Variants in VSTM5 observed in about 807,000 individuals in gnomAD.
VSTM5 encodes the protein V-set and transmembrane domain-containing protein 5.
VSTM5 carries 21 observed loss-of-function variants against 20.3 expected under a neutral mutation model. The observed-to-expected ratio is 1.03, with a 90% CI of 0.73 to 1.49. The LOEUF is 1.49. Among genes scored for constraint, VSTM5 ranks in the 40% most tolerant of loss-of-function variants. VSTM5 has a pLI of 0.00. For synonymous variants in VSTM5, 100 were observed against 102.5 expected, an observed-to-expected ratio of 0.98 and a Z score of 0.14; for missense variants, 219 against 250.0, an observed-to-expected ratio of 0.88 and a Z score of 0.84.
chr11:93,834,726 T>C (rs1399737371), intron 1 of VSTM5, among the ~76,000 whole-genome samples: 3 of 135,556 alleles, frequency 2.2e-5, no homozygotes, highest in Non-Finnish European at 4.5e-5. Context: ...GAGGTTGCAG[T>C]GAGCTGAGAT....
In VSTM5 at chr11:93,850,548, C is replaced by T. The variant is rs976946771; in HGVS notation, c.-46G>A. Reference sequence around the variant, plus strand: ...GGGCCGGGGTGTGTGCTGGCCGCACCGCGCTGCAGCTCCTATGCAGCCTTC... The same window carrying T: ...GGGCCGGGGTGTGTGCTGGCCGCACTGCGCTGCAGCTCCTATGCAGCCTTC... On this transcript the variant is annotated 5_prime_UTR_variant, in exon 1 of 4. Coordinates refer to ENST00000409977, the MANE Select transcript of VSTM5 (RefSeq NM_001144871.2). The T allele has an allele frequency of 2.8e-6, 4 of 1,432,014 alleles. No individual in the cohort carries two copies. Among genetic ancestry groups the T allele is most frequent in the African/African-American group, 2.9e-5 (2 of 70,046 alleles). The allele number at this position is 1,432,014 out of a possible 1,614,324, so 88.7% of individuals were successfully genotyped here. A position where few individuals can be genotyped will look rare whatever the true frequency, so the allele number is the denominator to read the frequency against.
intron 1 of VSTM5, among the ~76,000 whole-genome samples, chr11:93,844,848 C>T (rs1245346686): frequency 1.5e-5 from 1 of 66,676 alleles, no homozygotes; most frequent in African/African-American, 5.2e-5. Flanking sequence ...GCTGCTACCC[C>T]AGCTCTTGGC....
intron 1 of VSTM5, among the ~76,000 whole-genome samples, chr11:93,839,828 T>C (rs1418003760): frequency 6.6e-6 from 1 of 152,182 alleles, no homozygotes; most frequent in Non-Finnish European, 1.5e-5. Flanking sequence ...CGTGACCTTA[T>C]TTGGAGATAG....
intron 1 of VSTM5, among the ~76,000 whole-genome samples, chr11:93,823,385 A>G (rs1012271242): frequency 6.6e-6 from 1 of 152,166 alleles, no homozygotes; most frequent in African/African-American, 2.4e-5. Context: ...CATTCAAGGT[A>G]TACAGCCTGA....
chr11:93,821,180 C>G lies in VSTM5; in HGVS notation c.235G>C (p.Val79Leu). The change falls in exon 2 of 4, where the codon GTG becomes CTG. Residue 79 changes from valine to leucine, a missense_variant. Val to Leu is a conservative substitution (Grantham distance 32). Coordinates refer to ENST00000409977, the MANE Select transcript of VSTM5 (RefSeq NM_001144871.2). Reference protein sequence around the residue: ...YSSNWGTQKIVEWKPGTQANI... With the variant: ...YSSNWGTQKILEWKPGTQANI... ...GCCTGAGTCCCTGGTTTCCACTCCACGATCTTCTGCGTTCCCCAATTGGAT... is the reference window on the plus strand; with the variant it reads ...GCCTGAGTCCCTGGTTTCCACTCCAGGATCTTCTGCGTTCCCCAATTGGAT... 1 of 1,552,170 alleles carries G rather than the reference C, an allele frequency of 6.4e-7. No homozygotes were observed. The highest frequency in any genetic ancestry group is 1.4e-5 in the African/African-American group (1 of 73,158).
At chr11:93,839,554 G>C (rs974564645) in intron 1 of VSTM5, among the ~76,000 whole-genome samples, 1 of 152,176 alleles carries the variant, frequency 6.6e-6, no homozygotes, top group Admixed American at 6.5e-5. Flanking sequence ...AGTATGACAC[G>C]CAGTAAGCAC....
intron 1 of VSTM5, among the ~76,000 whole-genome samples, chr11:93,838,979 C>T (rs1944346983): frequency 6.6e-6 from 1 of 152,180 alleles, no homozygotes; most frequent in South Asian, 2.1e-4. Context: ...TGCTCTTGGG[C>T]CCATGCTCCA....
chr11:93,824,644 CT>C (rs2031869124), intron 1 of VSTM5, among the ~76,000 whole-genome samples: 1 of 152,052 alleles, frequency 6.6e-6, no homozygotes, highest in South Asian at 2.1e-4. Context: ...TGATTGTTTC[CT>C]TTGCTGTACA....
chr11:93,832,839 A>T (rs1360010118), intron 1 of VSTM5, among the ~76,000 whole-genome samples: 1 of 152,214 alleles, frequency 6.6e-6, no homozygotes, highest in Non-Finnish European at 1.5e-5. Flanking sequence ...CTGGAACCCA[A>T]GTCTCTTTTC....
At chr11:93,848,052 C>T (rs1944428232) in intron 1 of VSTM5, among the ~76,000 whole-genome samples, 1 of 152,214 alleles carries the variant, frequency 6.6e-6, no homozygotes, top group Non-Finnish European at 1.5e-5. Context: ...AAATCCCCTC[C>T]TCCAAATACC....
At chr11:93,829,403 C>A (rs1944263927) in intron 1 of VSTM5, among the ~76,000 whole-genome samples, 1 of 152,174 alleles carries the variant, frequency 6.6e-6, no homozygotes, top group Non-Finnish European at 1.5e-5. Context: ...TGGCTGGCGC[C>A]TGTAATCCCA....
intron 1 of VSTM5, among the ~76,000 whole-genome samples, chr11:93,826,009 G>A (rs1026269779): frequency 2.0e-5 from 3 of 152,084 alleles, no homozygotes; most frequent in Non-Finnish European, 4.4e-5. Context: ...GGCCAGTGTG[G>A]GAGAGGATCA....
chr11:93,824,807 A>T (rs1413171200), intron 1 of VSTM5, among the ~76,000 whole-genome samples: 1 of 152,182 alleles, frequency 6.6e-6, no homozygotes, highest in African/African-American at 2.4e-5. Flanking sequence ...CAGGTCTTAC[A>T]TTTAAGTGTT....
chr11:93,836,078 A>G (rs901031172), intron 1 of VSTM5, among the ~76,000 whole-genome samples: 3 of 152,174 alleles, frequency 2.0e-5, no homozygotes, highest in African/African-American at 7.2e-5. Context: ...CCATCCTGAC[A>G]CCTTCTCCTT....
rs562007295 is a variant in VSTM5, at chr11:93,820,897, G to A, written c.419-14C>T. 2 of 1,550,816 alleles carry A rather than the reference G, an allele frequency of 1.3e-6. No individual in the cohort carries two copies. Among genetic ancestry groups the A allele is most frequent in the African/African-American group, 2.7e-5 (2 of 73,054 alleles). On this transcript the variant is annotated splice_polypyrimidine_tract_variant and intron_variant, in intron 2 of 3. Coordinates refer to ENST00000409977, the MANE Select transcript of VSTM5 (RefSeq NM_001144871.2). ...CATAGAGGATCTCTATGGAGTGAGG[G>A]TGAGGGGAGGGGGAAGACAACATTT...
chr11:93,833,068 A>C lies in VSTM5; in HGVS notation c.92-11745T>G, dbSNP rs545684167. Among the ~76,000 whole-genome samples, 7 of 152,360 alleles carry C rather than the reference A, an allele frequency of 4.6e-5. No individual in the cohort carries two copies. The East Asian group carries it at 9.6e-4, about 21-fold the overall frequency. Reference sequence around the variant, plus strand: ...ACTTGAAACTGACTAGTCCACACTGAGATGTACTCTAAGTATAAAATGCAC... The same window carrying C: ...ACTTGAAACTGACTAGTCCACACTGCGATGTACTCTAAGTATAAAATGCAC... On this transcript the variant is annotated intron_variant, in intron 1 of 3. Transcript: ENST00000409977.
At chr11:93,825,194 G>A (rs1463921143) in intron 1 of VSTM5, among the ~76,000 whole-genome samples, 1 of 152,160 alleles carries the variant, frequency 6.6e-6, no homozygotes, top group Non-Finnish European at 1.5e-5. Context: ...TTGAGACAGG[G>A]TCTCCCTCTG....
At chr11:93,826,468 G>A (rs1422891569) in intron 1 of VSTM5, among the ~76,000 whole-genome samples, 1 of 151,778 alleles carries the variant, frequency 6.6e-6, no homozygotes, top group Admixed American at 6.6e-5. Context: ...CACGATCTCA[G>A]CTCACTACAA....
chr11:93,820,881 T>G lies in VSTM5; in HGVS notation c.421A>C (p.Ile141Leu), dbSNP rs1455278467. ...ACAAAGTGCAGGTCTTCATAGAGGA[T>G]CTCTATGGAGTGAGGGTGAGGGGAG... ...FGTIVLHVSE[I>L]LYEDLHFVAV... Residue 141 changes from isoleucine (I) to leucine (L), a missense_variant and splice_region_variant, in exon 3 of 4, where the codon ATC becomes CTC. Transcript: ENST00000409977. 6.4e-7 allele frequency: 1 copy of G among 1,550,678 alleles called. No homozygotes were observed. The highest frequency in any genetic ancestry group is 1.2e-5 in the South Asian group (1 of 84,032).
Sources: allele counts gnomAD v4.1 joint callset (sites outside exome capture counted in the v4.1 genomes callset), GRCh38; gene constraint gnomAD v4.1.1; transcripts MANE v1.5; gene names NCBI Gene and HGNC (gene_info 2026-07-23, HGNC 2026-07-21).